Variants in ACTR3C observed in about 807,000 individuals in gnomAD.
ACTR3C encodes the protein actin-related protein 3C.
In ACTR3C, 18 loss-of-function variants were observed where a neutral mutation model predicts 26.3. That is an observed-to-expected ratio of 0.68 (90% CI 0.47 to 1.01). ACTR3C has a LOEUF of 1.01. Ranked by LOEUF, ACTR3C falls within the 50% of genes least tolerant of loss-of-function variation. ACTR3C has a pLI of 0.00. For synonymous variants in ACTR3C, 55 were observed against 94.5 expected (o/e 0.58, Z 2.42); for missense variants, 184 against 250.7 (o/e 0.73, Z 1.80).
At chr7:149,965,762 A>G in the ACTR3C span, among the ~76,000 whole-genome samples, 1 of 152,248 alleles carries the variant, frequency 6.6e-6, no homozygotes, top group Non-Finnish European at 1.5e-5. Context: ...CTTATGATAA[A>G]TAAGCAAATT....
chr7:150,234,641 G>A, the ACTR3C span, among the ~76,000 whole-genome samples: 38,188 of 151,678 alleles, frequency 0.25, 8,257 homozygotes, highest in African/African-American at 0.59. Context: ...TTTCTGCACC[G>A]GGTAAACAGA....
the ACTR3C span, among the ~76,000 whole-genome samples, chr7:150,025,626 G>A: frequency 0.36 from 55,009 of 151,458 alleles, 10,086 homozygotes; most frequent in Middle Eastern, 0.4. Context: ...AGGATCCAAC[G>A]TAATAAAATG....
At chr7:150,048,604 C>T in the ACTR3C span, among the ~76,000 whole-genome samples, 1 of 151,878 alleles carries the variant, frequency 6.6e-6, no homozygotes, top group East Asian at 2.0e-4. Flanking sequence ...GGCAGGCAGG[C>T]CGGCCAGGGG....
At chr7:149,911,967 A>C in the ACTR3C span, among the ~76,000 whole-genome samples, 2,748 of 149,722 alleles carry the variant, frequency 0.018, 34 homozygotes, top group Middle Eastern at 0.048. Flanking sequence ...CTATGACTGC[A>C]CCACTGCCCT....
the ACTR3C span, among the ~76,000 whole-genome samples, chr7:150,190,986 A>T: frequency 6.6e-5 from 10 of 152,170 alleles, no homozygotes; most frequent in African/African-American, 2.4e-4. Flanking sequence ...TGCCCCCATG[A>T]TTCAATTACC....
At chr7:150,164,032 T>A in the ACTR3C span, among the ~76,000 whole-genome samples, 1 of 152,164 alleles carries the variant, frequency 6.6e-6, no homozygotes, top group Non-Finnish European at 1.5e-5. Context: ...TGGATAAATA[T>A]CCCAGGCTAG....
At chr7:150,123,035 T>C in the ACTR3C span, among the ~76,000 whole-genome samples, 1 of 148,802 alleles carries the variant, frequency 6.7e-6, no homozygotes, top group South Asian at 2.2e-4. Flanking sequence ...AGTTGAACAA[T>C]GAGAACAAAT....
At chr7:150,018,728 T>C in the ACTR3C span, among the ~76,000 whole-genome samples, 2 of 150,388 alleles carry the variant, frequency 1.3e-5, no homozygotes, top group African/African-American at 2.5e-5. Context: ...AAGTGCTTTG[T>C]TGAGCTCTAA....
At chr7:150,107,447 A>G in the ACTR3C span, among the ~76,000 whole-genome samples, 4 of 151,974 alleles carry the variant, frequency 2.6e-5, no homozygotes, top group Non-Finnish European at 5.9e-5. Context: ...TGTTCATTGC[A>G]TCAGCACTCT....
chr7:149,966,161 A>C, the ACTR3C span, among the ~76,000 whole-genome samples: 1 of 152,178 alleles, frequency 6.6e-6, no homozygotes, highest in Non-Finnish European at 1.5e-5. Flanking sequence ...GTGGAGCTGC[A>C]GGCTGAAGTC....
At chr7:150,293,839 G>T (rs1339309827) in intron 2 of ACTR3C, among the ~76,000 whole-genome samples, 1 of 152,208 alleles carries the variant, frequency 6.6e-6, no homozygotes, top group Non-Finnish European at 1.5e-5. Context: ...GGGAGACTGA[G>T]GTGGGAGGAT....
At chr7:150,298,894 G>A (rs916501869) in intron 1 of ACTR3C, among the ~76,000 whole-genome samples, 2 of 149,130 alleles carry the variant, frequency 1.3e-5, no homozygotes, top group Admixed American at 1.3e-4. Context: ...ATGATGAATT[G>A]TTAAGTGAAA....
chr7:150,276,122 C>T (rs1226893683), intron 6 of ACTR3C, among the ~76,000 whole-genome samples: 2 of 152,146 alleles, frequency 1.3e-5, no homozygotes, highest in African/African-American at 2.4e-5. Flanking sequence ...ATAAACGCCA[C>T]ACGTAACCCA....
At chr7:150,141,726 A>G in the ACTR3C span, among the ~76,000 whole-genome samples, 2 of 151,966 alleles carry the variant, frequency 1.3e-5, no homozygotes, top group Non-Finnish European at 2.9e-5. Flanking sequence ...TATCCCCTCA[A>G]CGGCGTGCTC....
intron 1 of ACTR3C, among the ~76,000 whole-genome samples, chr7:150,300,595 G>A (rs1795378557): frequency 6.6e-6 from 1 of 151,070 alleles, no homozygotes; most frequent in East Asian, 1.9e-4. Context: ...CTACCAACTA[G>A]CCTGGCACTT....
At chr7:150,035,022 G>A in the ACTR3C span, among the ~76,000 whole-genome samples, 93 of 144,312 alleles carry the variant, frequency 6.4e-4, 1 homozygote, top group Non-Finnish European at 8.6e-4. Flanking sequence ...GAGCCAGGGG[G>A]GGAAGAGGGA....
chr7:150,276,283 T>G (rs1834875702), intron 6 of ACTR3C, among the ~76,000 whole-genome samples: 1 of 152,144 alleles, frequency 6.6e-6, no homozygotes, highest in South Asian at 2.1e-4. Flanking sequence ...AGACACACAG[T>G]GCCACCTATC....
chr7:150,222,442 T>G, the ACTR3C span, among the ~76,000 whole-genome samples: 2 of 152,246 alleles, frequency 1.3e-5, no homozygotes, highest in Admixed American at 6.5e-5. Flanking sequence ...TAGTAGGTGT[T>G]CATCAGCCGT....
At chr7:150,177,388 CTTCCCTA>C in the ACTR3C span, among the ~76,000 whole-genome samples, 1 of 150,700 alleles carries the variant, frequency 6.6e-6, no homozygotes, top group African/African-American at 2.5e-5. Flanking sequence ...TCTCTAAGAT[CTTCCCTA>C]AGTTGTAGAG....
Sources: gnomAD v4.1 joint callset for allele counts (sites outside exome capture counted in the v4.1 genomes callset) on GRCh38, gnomAD v4.1.1 for gene constraint, MANE v1.5 for transcripts, NCBI Gene and HGNC (gene_info 2026-07-23, HGNC 2026-07-21) for gene names.